The following SMIM35 variants were observed in gnomAD, a reference collection of about 807,000 sequenced individuals.
SMIM35 encodes the protein small integral membrane protein 35, also known as TMPRSS4 antisense RNA 1 (non-protein coding).
intron 1 of SMIM35, among the ~76,000 whole-genome samples, chr11:118,017,142 T>G (rs2058189332): frequency 6.6e-6 from 1 of 152,078 alleles, no homozygotes; most frequent in South Asian, 2.1e-4. Context: ...CTCCTCATCA[T>G]ACTAGGAAAA....
chr11:118,062,727 C>A (rs558597817), intron 1 of SMIM35, among the ~76,000 whole-genome samples: 52 of 152,306 alleles, frequency 3.4e-4, no homozygotes, highest in African/African-American at 1.2e-3. Context: ...ATCTGTTTTT[C>A]TGTTGCCTCT....
intron 1 of SMIM35, among the ~76,000 whole-genome samples, chr11:118,033,520 TTTG>T (rs1168034970): frequency 6.6e-6 from 1 of 152,078 alleles, no homozygotes; most frequent in Non-Finnish European, 1.5e-5. Context: ...TTTTTTCTGT[TTTG>T]TTGTTGTTGT....
intron 1 of SMIM35, among the ~76,000 whole-genome samples, chr11:118,072,179 G>A (rs1944581706): frequency 6.6e-6 from 1 of 152,176 alleles, no homozygotes; most frequent in Non-Finnish European, 1.5e-5. Flanking sequence ...CTGATACTGA[G>A]ATCAAATGCA....
chr11:118,024,360 C>T (rs985323513), intron 1 of SMIM35, among the ~76,000 whole-genome samples: 1 of 152,136 alleles, frequency 6.6e-6, no homozygotes, highest in African/African-American at 2.4e-5. Context: ...TTAACTAAAC[C>T]ATATGTATAG....
intron 1 of SMIM35, among the ~76,000 whole-genome samples, chr11:118,082,134 G>C (rs375289706): frequency 6.6e-6 from 1 of 152,160 alleles, no homozygotes; most frequent in Non-Finnish European, 1.5e-5. Flanking sequence ...TAGCTACAGC[G>C]GCAGTATCAC....
At chr11:118,061,140 C>A (rs1944389213) in intron 1 of SMIM35, among the ~76,000 whole-genome samples, 2 of 152,228 alleles carry the variant, frequency 1.3e-5, no homozygotes, top group African/African-American at 4.8e-5. Context: ...AGACACATGA[C>A]ACCCACAGTG....
At chr11:118,057,843 G>C (rs1944338784) in intron 1 of SMIM35, among the ~76,000 whole-genome samples, 1 of 152,220 alleles carries the variant, frequency 6.6e-6, no homozygotes, top group African/African-American at 2.4e-5. Context: ...GGGTGGAAAG[G>C]CTGGAAGGAT....
At chr11:118,017,655 G>T (rs1007715608) in intron 1 of SMIM35, among the ~76,000 whole-genome samples, 1 of 152,166 alleles carries the variant, frequency 6.6e-6, no homozygotes, top group Admixed American at 6.5e-5. Context: ...CCTAAAGGAG[G>T]TGTATTAGTT....
chr11:118,051,849 A>AATACTAATACT lies in SMIM35; in HGVS notation c.7+34891_7+34901dup, dbSNP rs1444885537. On this transcript the variant is annotated intron_variant, in intron 1 of 4. Transcript: ENST00000689828. ...TGATACTAATACTAATACTAATACT[A>AATACTAATACT]ATACTAATACTAATACTATACTAAT... 1.2e-4 allele frequency among the ~76,000 whole-genome samples: 19 copies of AATACTAATACT among 152,034 alleles called. No individual in the cohort carries two copies. In the East Asian group the frequency reaches 3.5e-3, roughly 28 times the overall value.
At chr11:118,086,493 T>C (rs535419302) in intron 1 of SMIM35, among the ~76,000 whole-genome samples, 48 of 152,226 alleles carry the variant, frequency 3.2e-4, no homozygotes, top group Non-Finnish European at 6.5e-4. Context: ...CGCAAGGCAG[T>C]GTTTGTGAGG....
chr11:118,040,661 G>T (rs968044531), intron 1 of SMIM35, among the ~76,000 whole-genome samples: 3 of 151,650 alleles, frequency 2.0e-5, no homozygotes, highest in African/African-American at 7.3e-5. Flanking sequence ...ACAAAAAAAA[G>T]GTGACTAGTA....
intron 1 of SMIM35, among the ~76,000 whole-genome samples, chr11:118,038,073 G>T (rs556500996): frequency 2.0e-5 from 3 of 152,178 alleles, no homozygotes; most frequent in Non-Finnish European, 2.9e-5. Flanking sequence ...CAATTAGATT[G>T]TCCCACTGCT....
At chr11:118,074,519 A>T (rs1367481616) in intron 1 of SMIM35, among the ~76,000 whole-genome samples, 2 of 151,914 alleles carry the variant, frequency 1.3e-5, no homozygotes, top group Non-Finnish European at 2.9e-5. Flanking sequence ...AACCAGAGCG[A>T]GTGGATCGCT....
intron 1 of SMIM35, among the ~76,000 whole-genome samples, chr11:118,061,970 G>C (rs1299108515): frequency 6.6e-6 from 1 of 152,132 alleles, no homozygotes. Flanking sequence ...TTACAACTCA[G>C]TCTCCCCTTG....
intron 1 of SMIM35, among the ~76,000 whole-genome samples, chr11:118,065,604 A>T (rs180980517): frequency 2.6e-5 from 4 of 152,208 alleles, no homozygotes; most frequent in Non-Finnish European, 5.9e-5. Context: ...CTTCACTTCA[A>T]TCTCTGGTTG....
intron 1 of SMIM35, among the ~76,000 whole-genome samples, chr11:118,018,015 A>C (rs2058197695): frequency 6.6e-6 from 1 of 152,178 alleles, no homozygotes; most frequent in Non-Finnish European, 1.5e-5. Context: ...CTGGGTGAAG[A>C]CACAGCCAAA....
intron 1 of SMIM35, among the ~76,000 whole-genome samples, chr11:118,067,959 A>C (rs190143695): frequency 0.014 from 1,963 of 143,890 alleles, 19 homozygotes; most frequent in Non-Finnish European, 0.018. Context: ...CAGAAATAGA[A>C]GTTTCTCTAT....
At chr11:118,053,678 G>T (rs1157717707) in intron 1 of SMIM35, among the ~76,000 whole-genome samples, 1 of 152,174 alleles carries the variant, frequency 6.6e-6, no homozygotes, top group Admixed American at 6.5e-5. Flanking sequence ...CTAAAGCAAT[G>T]TGTTTACAAG....
chr11:118,064,301 A>G (rs1483067356), intron 1 of SMIM35, among the ~76,000 whole-genome samples: 1 of 152,162 alleles, frequency 6.6e-6, no homozygotes, highest in Non-Finnish European at 1.5e-5. Flanking sequence ...CAAAGAAAAA[A>G]TTTTAAATGG....
Sources: gnomAD v4.1 joint callset for allele counts (sites outside exome capture counted in the v4.1 genomes callset) on GRCh38, gnomAD v4.1.1 for gene constraint, MANE v1.5 for transcripts, NCBI Gene and HGNC (gene_info 2026-07-23, HGNC 2026-07-21) for gene names.